Variants in HDAC4 observed in about 807,000 individuals in gnomAD.
The protein encoded by HDAC4 is histone deacetylase 4, also known as histone deacetylase A.
A neutral mutation model predicts 135.1 loss-of-function variants in HDAC4; 16 were observed. That is an observed-to-expected ratio of 0.12 (90% confidence interval 0.08 to 0.18). The LOEUF (loss-of-function observed/expected upper bound fraction) is 0.18. Among genes scored for constraint, HDAC4 ranks in the 10% least tolerant of loss-of-function variants. The pLI, the probability that HDAC4 is intolerant of heterozygous loss-of-function variation, is 1.00. For missense variants in HDAC4, 1,143 were observed against 1,511.8 expected (o/e 0.76, Z 4.05); for synonymous variants, 685 against 653.4 (o/e 1.05, Z -0.74).
intron 4 of HDAC4, among the ~76,000 whole-genome samples, chr2:239,178,524 A>G (rs560164698): frequency 6.6e-6 from 1 of 152,316 alleles, no homozygotes; most frequent in South Asian, 2.1e-4. Flanking sequence ...CTGGGACTAC[A>G]GGTGCACACC....
At chr2:239,251,713 C>T (rs776531473) in intron 2 of HDAC4, among the ~76,000 whole-genome samples, 3 of 152,164 alleles carry the variant, frequency 2.0e-5, no homozygotes, top group Non-Finnish European at 4.4e-5. Flanking sequence ...TCTCCCACTG[C>T]ACAAGGCTCA....
At chr2:239,055,585 T>G (rs1175185521) in intron 24 of HDAC4, among the ~76,000 whole-genome samples, 4 of 151,864 alleles carry the variant, frequency 2.6e-5, no homozygotes, top group African/African-American at 9.7e-5. Flanking sequence ...GGTATGGCGG[T>G]GGGCACCTGT....
chr2:239,201,820 C>T (rs149778228), intron 3 of HDAC4, among the ~76,000 whole-genome samples: 121 of 152,360 alleles, frequency 7.9e-4, no homozygotes, highest in African/African-American at 2.9e-3. Flanking sequence ...TTTTACTCCA[C>T]TGTCTTTTTG....
At chr2:239,398,789 T>C (rs1268552436) in intron 1 of HDAC4, among the ~76,000 whole-genome samples, 2 of 152,254 alleles carry the variant, frequency 1.3e-5, no homozygotes, top group African/African-American at 4.8e-5. Context: ...CAGGCCCATA[T>C]GCAGTCCAGT....
intron 14 of HDAC4, among the ~76,000 whole-genome samples, chr2:239,109,746 C>T (rs976678841): frequency 1.3e-4 from 20 of 152,268 alleles, no homozygotes; most frequent in Admixed American, 7.2e-4. Context: ...TAGGCAATGA[C>T]GGACACTGCC....
intron 3 of HDAC4, among the ~76,000 whole-genome samples, chr2:239,214,604 G>C (rs979589208): frequency 6.6e-6 from 1 of 152,242 alleles, no homozygotes; most frequent in African/African-American, 2.4e-5. Flanking sequence ...CAGCCACATG[G>C]GTGACACCTG....
At chr2:239,322,400 T>TA (rs1280433133) in intron 2 of HDAC4, among the ~76,000 whole-genome samples, 5 of 152,246 alleles carry the variant, frequency 3.3e-5, no homozygotes, top group African/African-American at 1.2e-4. Flanking sequence ...TTCTCATCTG[T>TA]AAAATACAGA....
intron 2 of HDAC4, among the ~76,000 whole-genome samples, chr2:239,289,850 C>T (rs1358736088): frequency 2.0e-5 from 3 of 152,202 alleles, no homozygotes; most frequent in Non-Finnish European, 4.4e-5. Context: ...GTGCACAAAT[C>T]TGCATAAACC....
chr2:239,378,879 C>A (rs1695215648), intron 1 of HDAC4, among the ~76,000 whole-genome samples: 1 of 152,228 alleles, frequency 6.6e-6, no homozygotes. Flanking sequence ...ACAAAGAGGA[C>A]ACACCAGGCC....
At chr2:239,335,713 G>A (rs1691895338) in intron 2 of HDAC4, among the ~76,000 whole-genome samples, 2 of 151,988 alleles carry the variant, frequency 1.3e-5, no homozygotes, top group Non-Finnish European at 2.9e-5. Context: ...GTCAATAAAC[G>A]TATGAAAAGG....
At chr2:239,104,566 A>AT (rs2037953489) in intron 15 of HDAC4, among the ~76,000 whole-genome samples, 1 of 152,182 alleles carries the variant, frequency 6.6e-6, no homozygotes, top group Non-Finnish European at 1.5e-5. Flanking sequence ...GGAAGCCCAC[A>AT]TGTGTGTACA....
intron 22 of HDAC4, among the ~76,000 whole-genome samples, chr2:239,079,596 C>G (rs1295136272): frequency 3.9e-5 from 6 of 152,250 alleles, no homozygotes; most frequent in Admixed American, 3.9e-4. Context: ...TCACCGTCCC[C>G]AGAAAGCATG....
intron 2 of HDAC4, among the ~76,000 whole-genome samples, chr2:239,280,381 T>C (rs975985196): frequency 6.6e-6 from 1 of 152,136 alleles, no homozygotes; most frequent in African/African-American, 2.4e-5. Flanking sequence ...ATTAGAGGAA[T>C]ACAGAGCTGT....
rs569939791 is a variant in HDAC4 at position 239,306,456 on chromosome 2, T to C, written c.22+46222A>G. On this transcript the variant is annotated intron_variant, in intron 2 of 26. Coordinates refer to ENST00000543185, the MANE Select transcript of HDAC4 (RefSeq NM_001378414.1). This position sits in a 1 kb window ranked among gnomAD's most constrained non-coding sequence, Gnocchi z 4.5. ...CCAGGTGCCAGCAAGGACTGACTAA[T>C]ACCTGACCCAGGGCCAAGCTATCCT... Among the ~76,000 whole-genome samples the C allele has an allele frequency of 6.6e-6, 1 of 152,170 alleles. No homozygotes were observed. The highest frequency in any genetic ancestry group is 1.5e-5 in the Non-Finnish European group (1 of 67,978).
intron 3 of HDAC4, 132 bp from the exon 4 acceptor site, chr2:239,190,209 C>T: frequency 8.3e-7 from 1 of 1,198,074 alleles, no homozygotes; most frequent in Non-Finnish European, 1.1e-6. Context: ...GGATTGGATA[C>T]CCCTCTCCCC....
chr2:239,084,465 G>GCACACACA (rs78087978), intron 19 of HDAC4, among the ~76,000 whole-genome samples: 3 of 107,970 alleles, frequency 2.8e-5, no homozygotes, highest in African/African-American at 9.9e-5. Flanking sequence ...GCGTGCGCGC[G>GCACACACA]CACACACACA....
At chr2:239,288,269 C>T (rs1281163765) in intron 2 of HDAC4, among the ~76,000 whole-genome samples, 1 of 152,164 alleles carries the variant, frequency 6.6e-6, no homozygotes, top group Non-Finnish European at 1.5e-5. Context: ...GGAGTAAAAG[C>T]ATTTGGCTAA....
chr2:239,291,520 C>T lies in HDAC4; in HGVS notation c.23-54856G>A, dbSNP rs1434106686. Among the ~76,000 whole-genome samples the T allele has an allele frequency of 2.0e-5, 3 of 152,326 alleles. No homozygotes were observed. The East Asian group carries it at 5.8e-4, about 29-fold the overall frequency. Reference sequence around the variant, plus strand: ...CCTGGAGCTCTGGAAAGCAGGAAGGCCGCTAGGTCGCCCCTCTGGAACTTT... The same window carrying T: ...CCTGGAGCTCTGGAAAGCAGGAAGGTCGCTAGGTCGCCCCTCTGGAACTTT... On this transcript the variant is annotated intron_variant, in intron 2 of 26. Transcript: ENST00000543185.
At chr2:239,200,970 G>A (rs2045721602) in intron 3 of HDAC4, among the ~76,000 whole-genome samples, 1 of 152,110 alleles carries the variant, frequency 6.6e-6, no homozygotes, top group South Asian at 2.1e-4. Flanking sequence ...GGTGGGAGAG[G>A]GCCCACACAG....
Sources: gnomAD v4.1 joint callset for allele counts (sites outside exome capture counted in the v4.1 genomes callset) on GRCh38, gnomAD v4.1.1 for gene constraint, Gnocchi (gnomAD v3.1) non-coding constraint, MANE v1.5 for transcripts, NCBI Gene and HGNC (gene_info 2026-07-23, HGNC 2026-07-21) for gene names.